Variants in RAE1 observed in about 807,000 individuals in gnomAD.
The protein encoded by RAE1 is mRNA export factor RAE1.
A neutral mutation model predicts 52.7 loss-of-function variants in RAE1; 13 were observed. That is an observed-to-expected ratio of 0.25 (90% confidence interval 0.16 to 0.39). The LOEUF (loss-of-function observed/expected upper bound fraction) is 0.39. Ranked by LOEUF, RAE1 falls within the 10% of genes least tolerant of loss-of-function variation. The pLI, the probability that RAE1 is intolerant of heterozygous loss-of-function variation, is 1.00. For synonymous variants in RAE1, 164 were observed against 153.1 expected (o/e 1.07, Z -0.52); for missense variants, 262 against 459.8 (o/e 0.57, Z 3.93).
chr20:57,366,743 A>G, intron 5 of RAE1, 64 bp from the exon 6 acceptor site: 2 of 1,463,342 alleles, frequency 1.4e-6, no homozygotes, highest in Non-Finnish European at 1.9e-6. Flanking sequence ...AATTGCCACA[A>G]CTAAAGCTGT....
In RAE1 at chr20:57,351,348, C is replaced by T. The variant is rs1404091697; in HGVS notation, c.-82C>T. ...CCGCGCTCCTGGCCCTCGTCCTTCG[C>T]GCCAGAGCAGGTTCGCAAACTCCTC... On this transcript the variant is annotated 5_prime_UTR_variant, in exon 1 of 12. Coordinates refer to ENST00000395841, the MANE Select transcript of RAE1 (RefSeq NM_003610.4). 3.0e-6 allele frequency: 3 copies of T among 985,436 alleles called. No individual in the cohort carries two copies. Among genetic ancestry groups the T allele is most frequent in the Non-Finnish European group, 3.6e-6 (3 of 829,930 alleles). 61.0% of individuals were successfully genotyped at this position (985,436 alleles called of 1,614,324 possible). A position where few individuals can be genotyped will look rare whatever the true frequency, so the allele number is the denominator to read the frequency against.
chr20:57,364,181 G>C (rs976790812), intron 4 of RAE1, among the ~76,000 whole-genome samples: 1 of 152,244 alleles, frequency 6.6e-6, no homozygotes, highest in South Asian at 2.1e-4. Flanking sequence ...TAAGGACATG[G>C]TTCAAACTCT....
At chr20:57,375,252 C>G (rs919509938) in intron 11 of RAE1, 3 of 590,902 alleles carry the variant, frequency 5.1e-6, no homozygotes. Flanking sequence ...CTCGGGTACT[C>G]TGCCCAACCC....
chr20:57,368,124 G>A (rs1040779808), intron 7 of RAE1, among the ~76,000 whole-genome samples: 7 of 152,184 alleles, frequency 4.6e-5, no homozygotes, highest in Admixed American at 6.5e-5. Context: ...TTGACCTCAT[G>A]ATCCACCTGC....
chr20:57,366,828 A>G lies in RAE1; in HGVS notation c.397A>G (p.Ile133Val). The G allele has an allele frequency of 6.2e-7, 1 of 1,613,432 alleles. No individual in the cohort carries two copies. The highest frequency in any genetic ancestry group is 8.5e-7 in the Non-Finnish European group (1 of 1,179,342). Residue 133 changes from isoleucine (I) to valine (V), a missense_variant, in exon 6 of 12, where the codon ATC becomes GTC. By Grantham distance (29) the Ile-to-Val change is conservative. Transcript: ENST00000395841. ...AAAGCATGATGCTCCTGTTAAAACCATCCATTGGATCAAAGCTCCAAACTA... is the reference window on the plus strand; with the variant it reads ...AAAGCATGATGCTCCTGTTAAAACCGTCCATTGGATCAAAGCTCCAAACTA... Reference protein sequence around the residue: ...IAQHDAPVKTIHWIKAPNYSC... With the variant: ...IAQHDAPVKTVHWIKAPNYSC...
At chr20:57,365,161 G>A (rs1319640544) in intron 4 of RAE1, among the ~76,000 whole-genome samples, 195 bp from the exon 5 acceptor site, 1 of 152,166 alleles carries the variant, frequency 6.6e-6, no homozygotes, top group Non-Finnish European at 1.5e-5. Flanking sequence ...GCTTAGAAAA[G>A]TAAGTCAATC....
At chr20:57,353,637 C>T (rs1363930014) in intron 1 of RAE1, among the ~76,000 whole-genome samples, 1 of 152,218 alleles carries the variant, frequency 6.6e-6, no homozygotes, top group African/African-American at 2.4e-5. Flanking sequence ...GACCTGCGAT[C>T]TTGTTTACTG....
chr20:57,353,578 A>G (rs555870152), intron 1 of RAE1, among the ~76,000 whole-genome samples: 2 of 152,378 alleles, frequency 1.3e-5, no homozygotes, highest in African/African-American at 4.8e-5. Context: ...AGAATGTAGA[A>G]ATTAGTAGGA....
chr20:57,353,983 A>G (rs1359406855), intron 1 of RAE1, 49 bp from the exon 2 acceptor site: 2 of 1,480,198 alleles, frequency 1.4e-6, no homozygotes, highest in Non-Finnish European at 1.9e-6. Flanking sequence ...ATTGCCTCTC[A>G]GTGATATTAA....
intron 8 of RAE1, chr20:57,371,342 C>T (rs1357199295): frequency 6.6e-6 from 1 of 152,174 alleles, no homozygotes; most frequent in Admixed American, 6.5e-5. Context: ...TTCCAAAATA[C>T]GTAAGGAACC....
intron 7 of RAE1, among the ~76,000 whole-genome samples, chr20:57,368,476 A>G (rs2066989105): frequency 6.6e-6 from 1 of 152,158 alleles, no homozygotes; most frequent in African/African-American, 2.4e-5. Context: ...TCCTGAGTAT[A>G]TTTTCTAAAT....
intron 4 of RAE1, among the ~76,000 whole-genome samples, chr20:57,364,391 C>A (rs1568786260): frequency 6.6e-6 from 1 of 152,188 alleles, no homozygotes; most frequent in African/African-American, 2.4e-5. Flanking sequence ...CAGGGCAGCC[C>A]TCTCCATACA....
rs1568793651 is a variant in RAE1 at position 57,373,693 on chromosome 20, T to C, written c.780T>C (p.His260=). 1 of 1,614,194 alleles carries C rather than the reference T, an allele frequency of 6.2e-7. No homozygotes were observed. The highest frequency in any genetic ancestry group is 8.5e-7 in the Non-Finnish European group (1 of 1,180,016). The part of the protein sequence containing the change: ...PAKDNFTFKC[H]RSNGTNTSAP... ...AAGATAACTTCACCTTTAAATGTCA[T>C]CGATCTAATGGAACCAACACTTCAG... Residue 260 remains histidine, a synonymous_variant, in exon 10 of 12, where the codon CAT becomes CAC. Transcript: ENST00000395841.
intron 10 of RAE1, 117 bp from the exon 11 acceptor site, chr20:57,374,490 C>A: frequency 1.1e-6 from 1 of 950,806 alleles, no homozygotes; most frequent in Non-Finnish European, 1.6e-6. Context: ...CGGGCAGCAG[C>A]TGGAAGGAAA....
chr20:57,369,565 T>C (rs1418810002), intron 8 of RAE1, among the ~76,000 whole-genome samples: 24 of 152,248 alleles, frequency 1.6e-4, no homozygotes, highest in Non-Finnish European at 3.4e-4. Context: ...TTGAAATATG[T>C]CAGAGAAGTC....
At chr20:57,365,582 A>G in intron 5 of RAE1, 140 bp downstream of exon 5, 1 of 552,274 alleles carries the variant, frequency 1.8e-6, no homozygotes, top group East Asian at 3.3e-5. Context: ...ATATAACAGA[A>G]ACCTCTTTAG....
At chr20:57,355,828 A>C (rs992656995) in intron 3 of RAE1, among the ~76,000 whole-genome samples, 3 of 152,148 alleles carry the variant, frequency 2.0e-5, no homozygotes, top group Admixed American at 6.5e-5. Flanking sequence ...TTCTACATGT[A>C]ATTTTTAGAA....
At chr20:57,370,829 G>A (rs2071350565) in intron 8 of RAE1, among the ~76,000 whole-genome samples, 1 of 152,214 alleles carries the variant, frequency 6.6e-6, no homozygotes, top group Admixed American at 6.5e-5. Flanking sequence ...ACTTGGAGGA[G>A]GGCCTTAAGT....
In RAE1 at chr20:57,368,906, C is replaced by CTG; in HGVS notation, c.642+96_642+97dup. 3.9e-6 allele frequency: 4 copies of CTG among 1,023,468 alleles called. No individual in the cohort carries two copies. The South Asian group carries it at 5.8e-5, about 15-fold the overall frequency. The allele number at this position is 1,023,468 out of a possible 1,614,324, so 63.4% of individuals were successfully genotyped here. On this transcript the variant is annotated intron_variant, in intron 8 of 11. Transcript: ENST00000395841. Reference sequence around the variant, plus strand: ...GGAATACAGTTGTACTTTGTAAAACCTGTAAGTATGTTCAAAGAGGGGTGA... The same window carrying CTG: ...GGAATACAGTTGTACTTTGTAAAACCTGTGTAAGTATGTTCAAAGAGGGGTGA...
Sources: allele counts gnomAD v4.1 joint callset (sites outside exome capture counted in the v4.1 genomes callset), GRCh38; gene constraint gnomAD v4.1.1; transcripts MANE v1.5; gene names NCBI Gene and HGNC (gene_info 2026-07-23, HGNC 2026-07-21).